FOXN3: variants seen among roughly 807,000 people sequenced by gnomAD.
FOXN3 encodes forkhead box N3.
In FOXN3, 7 loss-of-function variants were observed where a neutral mutation model predicts 38.4. That is an observed-to-expected ratio of 0.18 (90% CI 0.10 to 0.34). The LOEUF is 0.34. Ranked by LOEUF, FOXN3 falls within the 10% of genes least tolerant of loss-of-function variation. The pLI is 1.00. For missense variants in FOXN3, 456 were observed against 613.4 expected, an observed-to-expected ratio of 0.74 and a Z score of 2.71; for synonymous variants, 230 against 242.2, an observed-to-expected ratio of 0.95 and a Z score of 0.47.
intron 1 of FOXN3, among the ~76,000 whole-genome samples, chr14:89,606,131 C>T (rs778968715): frequency 1.5e-4 from 23 of 151,880 alleles, no homozygotes; most frequent in Non-Finnish European, 2.5e-4. Flanking sequence ...AATCATTATG[C>T]CTCCCAATGT....
intron 3 of FOXN3, among the ~76,000 whole-genome samples, chr14:89,317,018 A>G (rs1340284375): frequency 6.6e-6 from 1 of 152,158 alleles, no homozygotes; most frequent in East Asian, 1.9e-4. Flanking sequence ...CAGCAGCAGG[A>G]GCTAACTCAT....
chr14:89,420,627 A>G (rs1891878487), upstream of FOXN3, among the ~76,000 whole-genome samples: 3 of 152,186 alleles, frequency 2.0e-5, no homozygotes, highest in Admixed American at 6.5e-5. Context: ...ATCTGACTTG[A>G]TTGTAGTAGA....
chr14:89,352,327 T>G (rs1196242172), intron 2 of FOXN3, among the ~76,000 whole-genome samples: 2 of 152,332 alleles, frequency 1.3e-5, no homozygotes, highest in Non-Finnish European at 2.9e-5. Context: ...GCAGTGAGAC[T>G]TTGCAAGTAA....
At chr14:89,616,496 C>A (rs1013751814) in intron 1 of FOXN3, among the ~76,000 whole-genome samples, 6 of 151,974 alleles carry the variant, frequency 3.9e-5, no homozygotes, top group Admixed American at 1.3e-4. Flanking sequence ...ACCAGGCAAT[C>A]TTCATCCCTC....
intron 1 of FOXN3, among the ~76,000 whole-genome samples, chr14:89,606,719 G>A (rs1204684009): frequency 3.9e-5 from 6 of 152,048 alleles, no homozygotes; most frequent in South Asian, 2.1e-4. Flanking sequence ...GTGTGGTGGC[G>A]CACGCCTGTA....
chr14:89,381,504 C>A (rs1177219509), intron 2 of FOXN3, among the ~76,000 whole-genome samples: 1 of 138,118 alleles, frequency 7.2e-6, no homozygotes, highest in African/African-American at 2.7e-5. Flanking sequence ...AGGCCCTGCA[C>A]CTGCAGCCCA....
intron 2 of FOXN3, among the ~76,000 whole-genome samples, chr14:89,383,741 G>C (rs1890720855): frequency 6.6e-6 from 1 of 151,970 alleles, no homozygotes; most frequent in African/African-American, 2.4e-5. Context: ...AATCCATTCT[G>C]ACCTCATCTT....
intron 3 of FOXN3, among the ~76,000 whole-genome samples, chr14:89,331,838 G>A (rs1366952475): frequency 6.6e-6 from 1 of 151,638 alleles, no homozygotes; most frequent in Non-Finnish European, 1.5e-5. Flanking sequence ...AAAGATAGTT[G>A]TAACCCCTAC....
intron 1 of FOXN3, among the ~76,000 whole-genome samples, chr14:89,568,103 C>A (rs372378132): frequency 3.3e-5 from 5 of 152,024 alleles, no homozygotes; most frequent in African/African-American, 9.7e-5. Flanking sequence ...CGCTGCCCCC[C>A]CAAATTTCTC....
chr14:89,481,353 G>A (rs1019476621), intron 1 of FOXN3, among the ~76,000 whole-genome samples: 3 of 152,182 alleles, frequency 2.0e-5, no homozygotes, highest in African/African-American at 4.8e-5. Context: ...CAGGAGACAC[G>A]CACGTCAGTG....
intron 1 of FOXN3, among the ~76,000 whole-genome samples, chr14:89,566,545 T>C (rs540293891): frequency 6.6e-6 from 1 of 152,368 alleles, no homozygotes; most frequent in African/African-American, 2.4e-5. Context: ...ATGGGACATA[T>C]CACGGAAATG....
chr14:89,373,326 G>GAAA (rs72530920), intron 2 of FOXN3, among the ~76,000 whole-genome samples: 4 of 151,580 alleles, frequency 2.6e-5, no homozygotes, highest in African/African-American at 7.3e-5. Flanking sequence ...AGCTTTCCAA[G>GAAA]ACCTGAGTTC....
At chr14:89,355,248 T>C (rs1889164425) in intron 2 of FOXN3, 2 of 144,976 alleles carry the variant, frequency 1.4e-5, no homozygotes, top group African/African-American at 5.2e-5. Context: ...TTTGTGGAAA[T>C]GGAGTCTCAC....
intron 1 of FOXN3, among the ~76,000 whole-genome samples, chr14:89,480,010 A>G (rs1056572021): frequency 2.6e-5 from 4 of 152,194 alleles, no homozygotes; most frequent in Non-Finnish European, 5.9e-5. Flanking sequence ...AACTGAGATT[A>G]ATTGCCCAAT....
Position 89,412,554 on chromosome 14 carries a change from C to T in FOXN3, c.-14-64G>A. On this transcript the variant is annotated intron_variant, in intron 1 of 5. Coordinates refer to ENST00000557258, the MANE Select transcript of FOXN3 (RefSeq NM_005197.4). This position sits in a 1 kb window ranked among gnomAD's most constrained non-coding sequence, Gnocchi z 4.7. ...GCCCAAAACAGAAAGGCAGACTGTA[C>T]CCCTCTGATCCTGTTGCCTCCCTCT... The T allele has an allele frequency of 1.5e-6, 2 of 1,377,126 alleles. No individual in the cohort carries two copies. The highest frequency in any genetic ancestry group is 9.8e-7 in the Non-Finnish European group (1 of 1,016,260). The allele number at this position is 1,377,126 out of a possible 1,614,324, so 85.3% of individuals were successfully genotyped here.
intron 1 of FOXN3, among the ~76,000 whole-genome samples, chr14:89,510,396 G>C (rs1399056474): frequency 6.6e-6 from 1 of 152,186 alleles, no homozygotes. Flanking sequence ...AGTCAGATCT[G>C]CCAGGGAGCC....
In FOXN3 at chr14:89,511,194, C is replaced by CTTTCTTTCTTTCT. The variant is rs1566681012; in HGVS notation, c.-14-98705_-14-98704insAGAAAGAAAGAAA. On this transcript the variant is annotated intron_variant, in intron 1 of 6. Transcript: ENST00000345097. ...CTTTCTTTCTTTCTTTCTTTCTTTT[C>CTTTCTTTCTTTCT]TTTCTTTCTTTTCTTTCTTTCTTTC... Among the ~76,000 whole-genome samples the CTTTCTTTCTTTCT allele has an allele frequency of 2.4e-4, 3 of 12,632 alleles. 1 individual carries two copies. The highest frequency in any genetic ancestry group is 8.7e-4 in the Non-Finnish European group (2 of 2,310). 8.3% of individuals were successfully genotyped at this position (12,632 alleles called of 152,430 possible). A position where few individuals can be genotyped will look rare whatever the true frequency, so the allele number is the denominator to read the frequency against.
chr14:89,482,597 G>A (rs1171611298), intron 1 of FOXN3, among the ~76,000 whole-genome samples: 1 of 150,784 alleles, frequency 6.6e-6, no homozygotes, highest in African/African-American at 2.4e-5. Context: ...TGGAGCAACA[G>A]AGCAAAACCC....
intron 1 of FOXN3, among the ~76,000 whole-genome samples, chr14:89,478,324 TTTC>T (rs1296268039): frequency 6.6e-6 from 1 of 152,164 alleles, no homozygotes; most frequent in Non-Finnish European, 1.5e-5. Context: ...TTCAATCTCT[TTTC>T]TTATAAATTA....
Sources: allele counts gnomAD v4.1 joint callset (sites outside exome capture counted in the v4.1 genomes callset), GRCh38; gene constraint gnomAD v4.1.1; non-coding constraint Gnocchi (gnomAD v3.1); transcripts MANE v1.5; gene names NCBI Gene and HGNC (gene_info 2026-07-23, HGNC 2026-07-21).